The following TNS1 variants were observed in gnomAD, a reference collection of about 807,000 sequenced individuals.
TNS1 encodes tensin 1.
TNS1 carries 62 observed loss-of-function variants against 168.6 expected under a neutral mutation model. The ratio of observed to expected loss-of-function variants is 0.37; its 90% CI spans 0.30 to 0.45. The LOEUF is 0.45. TNS1 is among the 20% of genes least tolerant of loss of function. The probability of loss-of-function intolerance (pLI) is 1.00; values close to 1 mark genes in which losing one functional copy is unlikely to be tolerated. For missense variants in TNS1, 2,240 were observed against 2,339.4 expected, an observed-to-expected ratio of 0.96 and a Z score of 0.88; for synonymous variants, 934 against 933.2, an observed-to-expected ratio of 1.00 and a Z score of -0.02.
At chr2:217,858,366 G>A (rs1287710430) in intron 18 of TNS1, 5 of 237,210 alleles carry the variant, frequency 2.1e-5, no homozygotes, top group Non-Finnish European at 3.4e-5. Flanking sequence ...CTTCCAAGGT[G>A]GGGTCGTGAC....
intron 1 of TNS1, among the ~76,000 whole-genome samples, chr2:218,025,039 G>A (rs915862424): frequency 6.6e-6 from 1 of 152,190 alleles, no homozygotes; most frequent in Non-Finnish European, 1.5e-5. Flanking sequence ...GGCCTGGAGG[G>A]AGCATGATAG....
chr2:218,003,812 A>C (rs996750139), upstream of TNS1, among the ~76,000 whole-genome samples: 1 of 28,288 alleles, frequency 3.5e-5, no homozygotes, highest in Non-Finnish European at 6.7e-5. Flanking sequence ...CCCTGGGCCC[A>C]GTTCTCCCCT....
chr2:217,885,047 C>A lies in TNS1; in HGVS notation c.1234G>T (p.Asp412Tyr). Reference protein sequence around the residue: ...GVVFGKEDLDDAFKDDRFPEY... With the variant: ...GVVFGKEDLDYAFKDDRFPEY... ...TCAAGGAGCGCACCTTTGAAAGCATCATCAAGGTCCTCCTTCCCAAAGACA... is the reference window on the plus strand; with the variant it reads ...TCAAGGAGCGCACCTTTGAAAGCATAATCAAGGTCCTCCTTCCCAAAGACA... The change falls in exon 16 of 33, where the codon GAT becomes TAT. Residue 412 changes from aspartate to tyrosine, a missense_variant. Asp to Tyr is a radical substitution (Grantham distance 160, BLOSUM62 -3). This residue lies in a region of TNS1 where 2,131 missense variants were observed against 2,171.2 expected (regional missense o/e 0.98). Transcript: ENST00000682258. The A allele has an allele frequency of 6.2e-7, 1 of 1,614,266 alleles. No individual in the cohort carries two copies. The highest frequency in any genetic ancestry group is 8.5e-7 in the Non-Finnish European group (1 of 1,180,046).
chr2:217,970,178 T>C (rs1197830692), intron 3 of TNS1, among the ~76,000 whole-genome samples: 1 of 152,160 alleles, frequency 6.6e-6, no homozygotes, highest in Admixed American at 6.6e-5. Context: ...CCCTGCAGGT[T>C]TCAGAGGGAG....
rs757667405 is a variant in TNS1, at chr2:218,033,389, G to A, written c.156+431C>T. Among the ~76,000 whole-genome samples the A allele has an allele frequency of 1.3e-5, 2 of 152,138 alleles. No individual in the cohort carries two copies. Among genetic ancestry groups the A allele is most frequent in the African/African-American group, 4.8e-5 (2 of 41,428 alleles). ...TCCCCACCATCCTGGGGAAGTCCTT[G>A]CTCCAGTGGGGCCCCCACCCTCCTA... On this transcript the variant is annotated intron_variant, in intron 1 of 1. Coordinates refer to the TNS1 transcript ENST00000649572. This position sits in a 1 kb window ranked among gnomAD's most constrained non-coding sequence, Gnocchi z 4.3.
rs562190700 is a variant in TNS1, at chr2:217,994,252, C to T, written c.34-3196G>A. Among the ~76,000 whole-genome samples, 126 of 152,226 alleles carry T rather than the reference C, an allele frequency of 8.3e-4. 1 individual carries two copies. Among genetic ancestry groups the T allele is most frequent in the African/African-American group, 3.0e-3 (123 of 41,532 alleles). On this transcript the variant is annotated intron_variant, in intron 1 of 32. Coordinates refer to ENST00000682258, the MANE Select transcript of TNS1 (RefSeq NM_001387777.1). ...ATCTCACTTCCCCTGGTTTCCGTCT[C>T]GGGCCTGGACTTGGGGGACTTCCCT...
intron 3 of TNS1, among the ~76,000 whole-genome samples, chr2:217,933,607 G>A (rs376592868): frequency 6.6e-5 from 10 of 152,308 alleles, no homozygotes; most frequent in South Asian, 6.2e-4. Context: ...GGAACAGGGG[G>A]AGCATGAGCC....
chr2:217,979,001 G>A (rs1404823586), intron 2 of TNS1, 199 bp from the exon 3 acceptor site: 9 of 543,306 alleles, frequency 1.7e-5, no homozygotes, highest in Non-Finnish European at 3.0e-5. Flanking sequence ...GAGTGCCCGG[G>A]ACTGAGGACC....
chr2:217,805,366 G>A (rs1938321845), intron 32 of TNS1, among the ~76,000 whole-genome samples: 1 of 145,448 alleles, frequency 6.9e-6, no homozygotes, highest in Admixed American at 7.0e-5. Context: ...GACCACGGCA[G>A]CTGAAGTTAG....
intron 3 of TNS1, among the ~76,000 whole-genome samples, chr2:217,968,371 A>T (rs1957698056): frequency 6.6e-6 from 1 of 152,222 alleles, no homozygotes; most frequent in Non-Finnish European, 1.5e-5. Context: ...AGAGGACATC[A>T]TCTTGTATGT....
upstream of TNS1, among the ~76,000 whole-genome samples, chr2:218,012,452 G>A (rs1042417862): frequency 6.6e-5 from 10 of 152,260 alleles, no homozygotes; most frequent in African/African-American, 2.2e-4. Flanking sequence ...AGGCTTCCCC[G>A]CCTGAAGCCA....
At chr2:217,934,119 A>G (rs1488557884) in intron 3 of TNS1, among the ~76,000 whole-genome samples, 2 of 152,228 alleles carry the variant, frequency 1.3e-5, no homozygotes, top group East Asian at 3.9e-4. Flanking sequence ...AAGGTCACAC[A>G]GCGATGAGTG....
intron 4 of TNS1, among the ~76,000 whole-genome samples, chr2:217,916,617 G>A (rs1409699670): frequency 6.6e-6 from 1 of 152,218 alleles, no homozygotes; most frequent in Non-Finnish European, 1.5e-5. Context: ...CAGGAGGGTG[G>A]TGACCCTAGG....
chr2:218,020,359 C>A (rs771314186), intron 1 of TNS1, among the ~76,000 whole-genome samples: 1 of 152,106 alleles, frequency 6.6e-6, no homozygotes. Flanking sequence ...CTAAGGACCC[C>A]TCCAGCCTTG....
intron 4 of TNS1, among the ~76,000 whole-genome samples, chr2:217,911,836 C>T (rs1954445631): frequency 6.6e-6 from 1 of 152,234 alleles, no homozygotes; most frequent in African/African-American, 2.4e-5. Flanking sequence ...GGGGAACAAG[C>T]TTTCTGAAAA....
At chr2:217,872,573 GGAGGAAGTCTCATACATT>G (rs1949866305) in intron 18 of TNS1, among the ~76,000 whole-genome samples, 1 of 152,206 alleles carries the variant, frequency 6.6e-6, no homozygotes, top group Non-Finnish European at 1.5e-5. Flanking sequence ...GTGAGGATGC[GGAGGAAGTCTCATACATT>G]GCTGGTAGGA....
intron 3 of TNS1, among the ~76,000 whole-genome samples, chr2:217,920,523 G>A (rs1306836472): frequency 1.3e-5 from 2 of 151,208 alleles, no homozygotes; most frequent in Non-Finnish European, 2.9e-5. Flanking sequence ...TCACTGCACC[G>A]GCATTTCAAT....
chr2:217,873,020 G>C lies in TNS1; in HGVS notation c.1429+7878C>G, dbSNP rs185416042. On this transcript the variant is annotated intron_variant, in intron 18 of 32. Transcript: ENST00000682258. Reference sequence around the variant, plus strand: ...GAGACAGAAAGTAGATTAGGGTTGGGAGTTGGTGGCAGAAGTGGGAGTGGC... The same window carrying C: ...GAGACAGAAAGTAGATTAGGGTTGGCAGTTGGTGGCAGAAGTGGGAGTGGC... 1.7e-3 allele frequency among the ~76,000 whole-genome samples: 255 copies of C among 152,320 alleles called. 3 individuals are homozygous for C. The highest frequency in any genetic ancestry group is 6.1e-3 in the African/African-American group (252 of 41,560).
chr2:217,857,085 T>G (rs1398393543), intron 18 of TNS1, among the ~76,000 whole-genome samples: 1 of 152,160 alleles, frequency 6.6e-6, no homozygotes, highest in African/African-American at 2.4e-5. Flanking sequence ...CCTGTGGCCT[T>G]GAAGATGGAG....
Sources: gnomAD v4.1 joint callset for allele counts (sites outside exome capture counted in the v4.1 genomes callset) on GRCh38, gnomAD v4.1.1 for gene constraint, gnomAD v4.1.1 regional missense constraint, Gnocchi (gnomAD v3.1) non-coding constraint, MANE v1.5 for transcripts, NCBI Gene and HGNC (gene_info 2026-07-23, HGNC 2026-07-21) for gene names.